Variants in MYT1L observed in about 807,000 individuals in gnomAD.
The protein encoded by MYT1L is myelin transcription factor 1 like.
Under a neutral mutation model 126.7 loss-of-function variants are expected in MYT1L, and 12 were observed. The observed-to-expected ratio is 0.09, with a 90% CI of 0.06 to 0.15. MYT1L has a LOEUF of 0.15. Ranked by LOEUF, MYT1L falls within the 10% of genes least tolerant of loss-of-function variation. The probability of loss-of-function intolerance (pLI) is 1.00; values close to 1 mark genes in which losing one functional copy is unlikely to be tolerated. For synonymous variants in MYT1L, 541 were observed against 604.2 expected, an observed-to-expected ratio of 0.90 and a Z score of 1.53; for missense variants, 979 against 1,585.2, an observed-to-expected ratio of 0.62 and a Z score of 6.49.
At chr2:2,201,004 T>C (rs140136369) in intron 2 of MYT1L, among the ~76,000 whole-genome samples, 118 of 152,364 alleles carry the variant, frequency 7.7e-4, no homozygotes, top group Non-Finnish European at 1.5e-3. Context: ...CAGTAAGATA[T>C]GATGAATTGT....
intron 23 of MYT1L, among the ~76,000 whole-genome samples, chr2:1,792,802 G>A (rs1297321990): frequency 1.4e-5 from 2 of 142,332 alleles, no homozygotes; most frequent in African/African-American, 2.6e-5. Flanking sequence ...CCCGAGAGGC[G>A]GAGGTTGCAG....
intron 3 of MYT1L, among the ~76,000 whole-genome samples, chr2:2,120,249 C>T (rs971029644): frequency 6.6e-6 from 1 of 152,044 alleles, no homozygotes; most frequent in Non-Finnish European, 1.5e-5. Flanking sequence ...AGGGAGTGGT[C>T]GCTGCCCTTG....
At chr2:2,009,815 C>A (rs1423699732) in intron 4 of MYT1L, among the ~76,000 whole-genome samples, 2 of 151,714 alleles carry the variant, frequency 1.3e-5, no homozygotes, top group East Asian at 3.9e-4. Context: ...CAGTTGCTCC[C>A]TGTTAATTAT....
intron 4 of MYT1L, among the ~76,000 whole-genome samples, chr2:2,011,024 T>C (rs2063770603): frequency 6.6e-6 from 1 of 152,180 alleles, no homozygotes; most frequent in Admixed American, 6.5e-5. Context: ...GCCTCCAGCA[T>C]GTCCCTATCT....
rs150079306 is a variant in MYT1L, at chr2:2,113,393, G to A, written c.-303-59270C>T. 6.4e-3 allele frequency among the ~76,000 whole-genome samples: 976 copies of A among 152,304 alleles called. 6 individuals carry two copies. Among genetic ancestry groups the A allele is most frequent in the Non-Finnish European group, 9.2e-3 (625 of 68,026 alleles). ...CCACAACACAGAGGGAGAATGAAGC[G>A]ACAGGCACGCGCTCCGTCCAACAGC... On this transcript the variant is annotated intron_variant, in intron 3 of 24. Coordinates refer to ENST00000647738, the MANE Select transcript of MYT1L (RefSeq NM_001303052.2).
At chr2:1,970,026 G>T (rs540812743) in intron 8 of MYT1L, among the ~76,000 whole-genome samples, 2 of 152,328 alleles carry the variant, frequency 1.3e-5, no homozygotes, top group South Asian at 4.1e-4. Flanking sequence ...ATGACCAGGG[G>T]ATTGTTTCTT....
chr2:1,896,605 C>A (rs1573344314), intron 14 of MYT1L, among the ~76,000 whole-genome samples: 4 of 152,138 alleles, frequency 2.6e-5, no homozygotes. Flanking sequence ...AAACTTTGTA[C>A]CACATGTTCT....
intron 19 of MYT1L, among the ~76,000 whole-genome samples, chr2:1,845,012 T>C: frequency 6.7e-6 from 1 of 149,564 alleles, no homozygotes; most frequent in African/African-American, 2.5e-5. Context: ...AGTCTCTCGC[T>C]CTGCTGCCCA....
intron 3 of MYT1L, among the ~76,000 whole-genome samples, chr2:2,055,842 A>G (rs187879829): frequency 5.3e-4 from 80 of 152,254 alleles, no homozygotes; most frequent in Admixed American, 3.5e-3. Context: ...CATCTCTATC[A>G]CTTTAAGCTT....
intron 4 of MYT1L, among the ~76,000 whole-genome samples, chr2:2,003,517 C>A (rs1558690878): frequency 1.3e-5 from 2 of 152,208 alleles, no homozygotes; most frequent in African/African-American, 4.8e-5. Context: ...TTGATTCCCA[C>A]TGATGGACCA....
In MYT1L at chr2:1,922,050, C is replaced by G. The variant is rs1049390638; in HGVS notation, c.1483+236G>C. Among the ~76,000 whole-genome samples, 2 of 152,164 alleles carry G rather than the reference C, an allele frequency of 1.3e-5. No individual in the cohort carries two copies. The highest frequency in any genetic ancestry group is 4.8e-5 in the African/African-American group (2 of 41,440). ...GGAATGCATTTCCCACTGAAATATC[C>G]TACTATTCATCTGCTCTAGTAATAT... On this transcript the variant is annotated intron_variant, in intron 10 of 24. Transcript: ENST00000647738. The surrounding 1 kb of genome is among the most constrained non-coding windows in gnomAD (Gnocchi z 7.4).
chr2:2,218,435 T>C (rs1378826674), intron 2 of MYT1L, among the ~76,000 whole-genome samples: 1 of 152,124 alleles, frequency 6.6e-6, no homozygotes, highest in African/African-American at 2.4e-5. Flanking sequence ...AATCTCAAAA[T>C]ACCTATGTTG....
chr2:1,950,392 G>A (rs2057634688), intron 8 of MYT1L, among the ~76,000 whole-genome samples: 1 of 152,120 alleles, frequency 6.6e-6, no homozygotes, highest in Admixed American at 6.5e-5. Flanking sequence ...CCTTTATTTG[G>A]AAAGCATGTC....
intron 2 of MYT1L, among the ~76,000 whole-genome samples, chr2:2,272,666 G>A (rs188918263): frequency 1.9e-3 from 288 of 152,234 alleles, no homozygotes; most frequent in Admixed American, 4.2e-3. Context: ...ATTCAACTAC[G>A]AATTTCTCCA....
chr2:1,941,503 A>C lies in MYT1L; in HGVS notation c.505+1479T>G, dbSNP rs75806203. 2.4e-3 allele frequency among the ~76,000 whole-genome samples: 364 copies of C among 152,278 alleles called. 1 individual carries two copies. The highest frequency in any genetic ancestry group is 8.3e-3 in the African/African-American group (345 of 41,554). Reference sequence around the variant, plus strand: ...TTTACTACACAAATCTATTATTTTAATTCTTAGCATCTCATGAATGACACT... The same window carrying C: ...TTTACTACACAAATCTATTATTTTACTTCTTAGCATCTCATGAATGACACT... On this transcript the variant is annotated intron_variant, in intron 9 of 24. Transcript: ENST00000647738.
At chr2:2,127,657 A>C (rs1303254366) in intron 3 of MYT1L, among the ~76,000 whole-genome samples, 1 of 152,190 alleles carries the variant, frequency 6.6e-6, no homozygotes, top group African/African-American at 2.4e-5. Context: ...ACCACGCAGC[A>C]TGTGCACGTC....
At chr2:2,012,585 T>C (rs1182690863) in intron 4 of MYT1L, among the ~76,000 whole-genome samples, 3 of 152,198 alleles carry the variant, frequency 2.0e-5, no homozygotes, top group African/African-American at 7.2e-5. Flanking sequence ...TTCCTTTTCA[T>C]GGTTTCAGAT....
intron 3 of MYT1L, among the ~76,000 whole-genome samples, chr2:2,075,913 G>A (rs573889385): frequency 1.1e-4 from 16 of 152,306 alleles, no homozygotes; most frequent in African/African-American, 3.1e-4. Context: ...GCTAAAAGCC[G>A]GTGACATTGA....
chr2:1,964,618 T>TA (rs567518703), intron 8 of MYT1L, among the ~76,000 whole-genome samples: 4 of 152,252 alleles, frequency 2.6e-5, no homozygotes, highest in East Asian at 1.9e-4. Context: ...ATTTTCTACT[T>TA]AAAAAAAATC....
Sources: allele counts gnomAD v4.1 joint callset (sites outside exome capture counted in the v4.1 genomes callset), GRCh38; gene constraint gnomAD v4.1.1; non-coding constraint Gnocchi (gnomAD v3.1); transcripts MANE v1.5; gene names NCBI Gene and HGNC (gene_info 2026-07-23, HGNC 2026-07-21).